Variants in THSD7A observed in about 807,000 individuals in gnomAD.
The protein encoded by THSD7A is thrombospondin type-1 domain-containing protein 7A.
In THSD7A, 96 loss-of-function variants were observed where a neutral mutation model predicts 231.3. That is an observed-to-expected ratio of 0.41 (90% confidence interval 0.35 to 0.49). The LOEUF is 0.49. THSD7A is among the 20% of genes least tolerant of loss of function. The pLI is 0.05. For synonymous variants in THSD7A, 940 were observed against 743.3 expected (o/e 1.26, Z -4.30); for missense variants, 2,290 against 2,070.2 (o/e 1.11, Z -2.06).
At chr7:11,759,364 G>T (rs1343400325) in intron 1 of THSD7A, among the ~76,000 whole-genome samples, 1 of 152,066 alleles carries the variant, frequency 6.6e-6, no homozygotes. Flanking sequence ...AATTCATTGA[G>T]AATATTAAAC....
At chr7:11,611,888 G>A (rs369929295) in intron 2 of THSD7A, among the ~76,000 whole-genome samples, 230 of 128,774 alleles carry the variant, frequency 1.8e-3, no homozygotes, top group African/African-American at 6.5e-3. Context: ...CTATCTATCT[G>A]TCTATCTTTC....
At chr7:11,648,431 T>C (rs1419429258) in intron 1 of THSD7A, among the ~76,000 whole-genome samples, 1 of 152,016 alleles carries the variant, frequency 6.6e-6, no homozygotes, top group East Asian at 1.9e-4. Flanking sequence ...TTTATGTAAT[T>C]TACTTTTTTT....
intron 1 of THSD7A, among the ~76,000 whole-genome samples, chr7:11,828,519 G>C (rs1285566614): frequency 6.6e-6 from 1 of 152,140 alleles, no homozygotes; most frequent in East Asian, 1.9e-4. Context: ...GGTATGCCAT[G>C]TTGTAATTGT....
intron 1 of THSD7A, among the ~76,000 whole-genome samples, chr7:11,787,004 C>T (rs1389335510): frequency 6.6e-6 from 1 of 151,866 alleles, no homozygotes. Flanking sequence ...AATTAGTTAC[C>T]AACATTTAAG....
chr7:11,393,892 G>A (rs958669302), intron 23 of THSD7A, among the ~76,000 whole-genome samples: 1 of 151,932 alleles, frequency 6.6e-6, no homozygotes, highest in Admixed American at 6.6e-5. Context: ...GCCTTTGATT[G>A]TTGTACCTGA....
At chr7:11,466,806 C>A (rs1785725607) in intron 9 of THSD7A, among the ~76,000 whole-genome samples, 1 of 152,012 alleles carries the variant, frequency 6.6e-6, no homozygotes, top group African/African-American at 2.4e-5. Context: ...ACCACCATCT[C>A]AGGAACACCA....
chr7:11,673,456 G>A (rs968499677), intron 1 of THSD7A, among the ~76,000 whole-genome samples: 12 of 152,136 alleles, frequency 7.9e-5, no homozygotes, highest in African/African-American at 2.7e-4. Context: ...TGCAGCACCT[G>A]CTGTCTGCCA....
intron 1 of THSD7A, among the ~76,000 whole-genome samples, chr7:11,797,887 CAG>C: frequency 2.0e-5 from 3 of 152,226 alleles, no homozygotes; most frequent in South Asian, 2.1e-4. Context: ...TTAATTAATA[CAG>C]AGTCATCTAG....
rs371108204 is a variant in THSD7A at position 11,593,390 on chromosome 7, T to C, written c.1135A>G (p.Met379Val). Residue 379 changes from methionine (M) to valine (V), a missense_variant, in exon 3 of 28, where the codon ATG (methionine) becomes GTG (valine). Coordinates refer to ENST00000423059, the MANE Select transcript of THSD7A (RefSeq NM_015204.3). The part of the protein sequence containing the change: ...WSPCSKTCHD[M>V]VSPAGTRVRT... ...ACACGAGTGCCTGCAGGGGACACCA[T>C]GTCATGGCATGTTTTTGAGCAGGGG... 3.1e-6 allele frequency: 5 copies of C among 1,614,040 alleles called. No individual in the cohort carries two copies. The Admixed American group carries it at 8.3e-5, about 27-fold the overall frequency.
At chr7:11,714,807 C>T (rs1781080928) in intron 1 of THSD7A, among the ~76,000 whole-genome samples, 1 of 151,356 alleles carries the variant, frequency 6.6e-6, no homozygotes, top group South Asian at 2.1e-4. Flanking sequence ...TTTCTCTTCC[C>T]ATTTAGCTCT....
At position 11,499,352 on chromosome 7, in the gene THSD7A, A is replaced by T. The variant is rs1355381054; in HGVS notation, c.1823-17370T>A. Reference sequence around the variant, plus strand: ...GGAGTCAAGCAAATGACTTGACCACAACCACTAATAAGATGTCTTCCTCTG... The same window carrying T: ...GGAGTCAAGCAAATGACTTGACCACTACCACTAATAAGATGTCTTCCTCTG... On this transcript the variant is annotated intron_variant, in intron 6 of 27. Transcript: ENST00000423059. Among the ~76,000 whole-genome samples, 6 of 152,112 alleles carry T rather than the reference A, an allele frequency of 3.9e-5. No individual in the cohort carries two copies. The East Asian group carries it at 7.7e-4, about 20-fold the overall frequency.
chr7:11,409,539 G>T (rs1350969445), intron 19 of THSD7A, among the ~76,000 whole-genome samples: 1 of 152,156 alleles, frequency 6.6e-6, no homozygotes, highest in Non-Finnish European at 1.5e-5. Flanking sequence ...TCGGTTTCCA[G>T]CTTTGTCCTT....
intron 7 of THSD7A, among the ~76,000 whole-genome samples, chr7:11,479,204 T>G (rs1562643176): frequency 6.6e-6 from 1 of 152,226 alleles, no homozygotes. Context: ...GGGCTGTCCA[T>G]TACTGAAGCA....
chr7:11,624,122 T>G (rs1217693024), intron 2 of THSD7A, among the ~76,000 whole-genome samples: 1 of 152,100 alleles, frequency 6.6e-6, no homozygotes, highest in Non-Finnish European at 1.5e-5. Context: ...AAATGAAAAC[T>G]GCCAATATTG....
At chr7:11,430,949 T>C (rs1322263601) in intron 13 of THSD7A, among the ~76,000 whole-genome samples, 1 of 152,258 alleles carries the variant, frequency 6.6e-6, no homozygotes, top group Non-Finnish European at 1.5e-5. Flanking sequence ...AATGCTGCTA[T>C]GAACATTTGT....
At chr7:11,420,328 C>G (rs1161975451) in intron 16 of THSD7A, among the ~76,000 whole-genome samples, 1 of 152,202 alleles carries the variant, frequency 6.6e-6, no homozygotes, top group Non-Finnish European at 1.5e-5. Context: ...TGTGCAGCCT[C>G]AGGACATGGC....
intron 2 of THSD7A, among the ~76,000 whole-genome samples, chr7:11,618,327 T>A (rs979352107): frequency 2.0e-5 from 3 of 152,222 alleles, no homozygotes; most frequent in Non-Finnish European, 4.4e-5. Context: ...ACACACATAT[T>A]GTATATACAC....
At chr7:11,644,151 G>A (rs1782195815) in intron 1 of THSD7A, among the ~76,000 whole-genome samples, 1 of 151,186 alleles carries the variant, frequency 6.6e-6, no homozygotes, top group Non-Finnish European at 1.5e-5. Flanking sequence ...ATCCTTCCCT[G>A]TTTTTCAGCA....
chr7:11,511,885 A>G lies in THSD7A; in HGVS notation c.1822+29534T>C, dbSNP rs1456414055. On this transcript the variant is annotated intron_variant, in intron 6 of 27. Coordinates refer to ENST00000423059, the MANE Select transcript of THSD7A (RefSeq NM_015204.3). Reference sequence around the variant, plus strand: ...GGACATAGGCATGGGCAAGGACTTCATGACTAAAACACCAAAAGCAATGGC... The same window carrying G: ...GGACATAGGCATGGGCAAGGACTTCGTGACTAAAACACCAAAAGCAATGGC... Among the ~76,000 whole-genome samples the G allele has an allele frequency of 3.3e-5, 5 of 152,254 alleles. 1 individual carries two copies. In the East Asian group the frequency reaches 9.6e-4, roughly 29 times the overall value.
Sources: allele counts gnomAD v4.1 joint callset (sites outside exome capture counted in the v4.1 genomes callset), GRCh38; gene constraint gnomAD v4.1.1; transcripts MANE v1.5; gene names NCBI Gene and HGNC (gene_info 2026-07-23, HGNC 2026-07-21).